COTL1: variants seen among roughly 807,000 people sequenced by gnomAD.
The protein encoded by COTL1 is coactosin like F-actin binding protein 1.
COTL1 carries 15 observed loss-of-function variants against 16.5 expected under a neutral mutation model. The ratio of observed to expected loss-of-function variants is 0.91; its 90% CI spans 0.61 to 1.40. The LOEUF is 1.40. COTL1 is among the 40% of genes most tolerant of loss of function. COTL1 has a pLI of 0.00. For missense variants in COTL1, 220 were observed against 201.5 expected (o/e 1.09, Z -0.56); for synonymous variants, 112 against 85.3 (o/e 1.31, Z -1.73).
intron 2 of COTL1, among the ~76,000 whole-genome samples, chr16:84,604,445 C>T (rs1235100227): frequency 6.6e-6 from 1 of 151,510 alleles, no homozygotes; most frequent in East Asian, 1.9e-4. Flanking sequence ...ATGAACTGCA[C>T]CCTGTGAAAG....
chr16:84,590,602 G>C lies in COTL1; in HGVS notation c.161-340C>G, dbSNP rs1904839583. The C allele has an allele frequency of 5.4e-6, 1 of 184,590 alleles. No individual in the cohort carries two copies. The highest frequency in any genetic ancestry group is 6.1e-5 in the Admixed American group (1 of 16,438). The allele number at this position is 184,590 out of a possible 1,614,324, so 11.4% of individuals were successfully genotyped here. A position where few individuals can be genotyped will look rare whatever the true frequency, so the allele number is the denominator to read the frequency against. On this transcript the variant is annotated intron_variant, in intron 2 of 3. Coordinates refer to ENST00000262428, the MANE Select transcript of COTL1 (RefSeq NM_021149.5). This position sits in a 1 kb window ranked among gnomAD's most constrained non-coding sequence, Gnocchi z 5.5. ...GGCCTTTCTGGCTGCAACGCCTACAGCCTTCCTACAATCAAGGCTCAAAGT... is the reference window on the plus strand; with the variant it reads ...GGCCTTTCTGGCTGCAACGCCTACACCCTTCCTACAATCAAGGCTCAAAGT...
In COTL1 at chr16:84,617,922, G is replaced by C; in HGVS notation, c.-8C>G. The C allele has an allele frequency of 6.5e-7, 1 of 1,549,858 alleles. No individual in the cohort carries two copies. The highest frequency in any genetic ancestry group is 8.7e-7 in the Non-Finnish European group (1 of 1,147,700). ...GTCGATCTTGGTGGCCATCGCCGCG[G>C]AGCCGCAGCGGGACACTGTCCGGGG... On this transcript the variant is annotated 5_prime_UTR_variant, in exon 1 of 4. Coordinates refer to ENST00000262428, the MANE Select transcript of COTL1 (RefSeq NM_021149.5).
rs928264503 is a variant in COTL1 at position 84,592,883 on chromosome 16, C to T, written c.161-2621G>A. On this transcript the variant is annotated intron_variant, in intron 2 of 3. Coordinates refer to ENST00000262428, the MANE Select transcript of COTL1 (RefSeq NM_021149.5). The stretch of plus-strand genomic sequence containing the variant: ...CGCAGCTCTCAGCAGACCATGAATG[C>T]GTGATCCTAGCTGCAGTCCAGGGTC... Among the ~76,000 whole-genome samples the T allele has an allele frequency of 3.3e-5, 5 of 152,204 alleles. No individual in the cohort carries two copies. In the East Asian group the frequency reaches 7.7e-4, roughly 23 times the overall value.
rs146577468 is a variant in COTL1 at position 84,615,648 on chromosome 16, C to T, written c.160+1853G>A. Among the ~76,000 whole-genome samples the T allele has an allele frequency of 9.6e-4, 146 of 152,176 alleles. 1 individual carries two copies. Among genetic ancestry groups the T allele is most frequent in the African/African-American group, 3.2e-3 (134 of 41,504 alleles). On this transcript the variant is annotated intron_variant, in intron 2 of 3. Transcript: ENST00000262428. ...CTGACTCTCCTGGCTGTTCACGGAC[C>T]GGAGGGGAGAAAGTTAAGAGTTTGC... is the stretch of plus-strand genomic sequence containing the variant.
chr16:84,597,673 G>A (rs1905033910), intron 2 of COTL1, among the ~76,000 whole-genome samples: 1 of 152,172 alleles, frequency 6.6e-6, no homozygotes. Context: ...TGGGAGAGGG[G>A]ACGAGACAAA....
intron 2 of COTL1, among the ~76,000 whole-genome samples, chr16:84,592,140 G>C (rs937456063): frequency 1.3e-5 from 2 of 152,244 alleles, no homozygotes; most frequent in Non-Finnish European, 2.9e-5. Flanking sequence ...AACACCCCCA[G>C]TTGAGAACCT....
At chr16:84,591,781 G>T (rs981841889) in intron 2 of COTL1, among the ~76,000 whole-genome samples, 3 of 148,774 alleles carry the variant, frequency 2.0e-5, no homozygotes, top group African/African-American at 7.5e-5. Flanking sequence ...TAGAGATTAC[G>T]CCACTGTACT....
At chr16:84,582,071 T>G (rs1904609945) in intron 3 of COTL1, among the ~76,000 whole-genome samples, 2 of 141,008 alleles carry the variant, frequency 1.4e-5, no homozygotes, top group South Asian at 4.9e-4. Context: ...CACTGCAACC[T>G]CTGCCTCCTG....
chr16:84,600,358 C>G (rs1216829223), intron 2 of COTL1, among the ~76,000 whole-genome samples: 1 of 147,276 alleles, frequency 6.8e-6, no homozygotes, highest in Non-Finnish European at 1.5e-5. Flanking sequence ...TGTTGTCCAG[C>G]CTGCAGTGCC....
At chr16:84,586,417 T>C (rs1050806035) in intron 3 of COTL1, among the ~76,000 whole-genome samples, 1 of 151,822 alleles carries the variant, frequency 6.6e-6, no homozygotes, top group African/African-American at 2.4e-5. Context: ...CTGAAAAGAG[T>C]TCTAGAGAGG....
chr16:84,617,370 C>T, intron 2 of COTL1, 131 bp downstream of exon 2: 1 of 768,366 alleles, frequency 1.3e-6, no homozygotes, highest in Non-Finnish European at 2.2e-6. Context: ...ACACCGGGTT[C>T]CTCCCACGCC....
chr16:84,587,080 T>C (rs937759888), intron 3 of COTL1, among the ~76,000 whole-genome samples: 2 of 152,110 alleles, frequency 1.3e-5, no homozygotes, highest in African/African-American at 4.8e-5. Flanking sequence ...AGGACTTCTT[T>C]TTCATTTTCC....
intron 2 of COTL1, among the ~76,000 whole-genome samples, chr16:84,597,171 G>A (rs1322730888): frequency 6.6e-6 from 1 of 152,206 alleles, no homozygotes; most frequent in Non-Finnish European, 1.5e-5. Flanking sequence ...CACAGTCACG[G>A]AGTCACTCCT....
At chr16:84,614,350 G>A (rs1465734206) in intron 2 of COTL1, among the ~76,000 whole-genome samples, 1 of 152,156 alleles carries the variant, frequency 6.6e-6, no homozygotes, top group Non-Finnish European at 1.5e-5. Context: ...ATGAGTGCGG[G>A]GGTGGGAGGG....
chr16:84,612,392 G>C (rs1045589543), intron 2 of COTL1, among the ~76,000 whole-genome samples: 2 of 152,246 alleles, frequency 1.3e-5, no homozygotes, highest in South Asian at 4.1e-4. Context: ...TTGCATACCA[G>C]CCTGGGCCAG....
intron 2 of COTL1, among the ~76,000 whole-genome samples, chr16:84,608,686 G>C (rs771607091): frequency 1.3e-5 from 2 of 152,196 alleles, no homozygotes; most frequent in Non-Finnish European, 2.9e-5. Flanking sequence ...CAAGTGGATC[G>C]CTTGAGCCCA....
chr16:84,600,505 C>T (rs567899747), intron 2 of COTL1, among the ~76,000 whole-genome samples: 61 of 152,210 alleles, frequency 4.0e-4, no homozygotes, highest in African/African-American at 1.4e-3. Flanking sequence ...TACAGACGGG[C>T]TTTCACCGTG....
At chr16:84,573,301 G>T (rs1317245203) in intron 3 of COTL1, among the ~76,000 whole-genome samples, 1 of 152,260 alleles carries the variant, frequency 6.6e-6, no homozygotes, top group Non-Finnish European at 1.5e-5. Context: ...CAGGCGCTCA[G>T]TGGCCACACG....
intron 3 of COTL1, chr16:84,576,526 G>T (rs1239442776): frequency 6.6e-6 from 1 of 152,186 alleles, no homozygotes; most frequent in Non-Finnish European, 1.5e-5. Context: ...GTACTTACTG[G>T]TCTCTCTGAC....
Sources: allele counts gnomAD v4.1 joint callset (sites outside exome capture counted in the v4.1 genomes callset), GRCh38; gene constraint gnomAD v4.1.1; non-coding constraint Gnocchi (gnomAD v3.1); transcripts MANE v1.5; gene names NCBI Gene and HGNC (gene_info 2026-07-23, HGNC 2026-07-21).